The following NDST1 variants were observed in gnomAD, a reference collection of about 807,000 sequenced individuals.
NDST1 encodes N-deacetylase and N-sulfotransferase 1, also known as bifunctional heparan sulfate N-deacetylase/N-sulfotransferase 1.
A neutral mutation model predicts 92.8 loss-of-function variants in NDST1; 35 were observed. The ratio of observed to expected loss-of-function variants is 0.38; its 90% CI spans 0.29 to 0.50. The LOEUF (loss-of-function observed/expected upper bound fraction) is 0.50, where lower values mean the gene tolerates loss of function less well. NDST1 is among the 20% of genes least tolerant of loss of function. The pLI is 0.94. For missense variants in NDST1, 822 were observed against 1,182.7 expected, an observed-to-expected ratio of 0.69 and a Z score of 4.47; for synonymous variants, 493 against 500.3, an observed-to-expected ratio of 0.99 and a Z score of 0.19.
chr5:150,545,480 G>A lies in NDST1; in HGVS notation c.2139G>A (p.Trp713Ter). 6.2e-7 allele frequency: 1 copy of A among 1,614,234 alleles called. No homozygotes were observed. The highest frequency in any genetic ancestry group is 8.5e-7 in the Non-Finnish European group (1 of 1,180,046). The change falls in exon 11 of 15, where the codon TGG becomes TGA. Residue 713 changes from tryptophan to a stop codon, truncating the protein, a stop_gained. Coordinates refer to ENST00000261797, the MANE Select transcript of NDST1 (RefSeq NM_001543.5). LOFTEE classifies it high-confidence loss of function. ...LINPADRAYS[W>*]YQHQRAHDDP... Reference sequence around the variant, plus strand: ...ACCCCGCGGACCGGGCCTATTCCTGGTACCAGGTGAGTGGGGCTGGGGTGG... The same window carrying A: ...ACCCCGCGGACCGGGCCTATTCCTGATACCAGGTGAGTGGGGCTGGGGTGG...
intron 13 of NDST1, among the ~76,000 whole-genome samples, 184 bp from the exon 14 acceptor site, chr5:150,551,569 A>G (rs1172534777): frequency 6.6e-6 from 1 of 152,214 alleles, no homozygotes; most frequent in Non-Finnish European, 1.5e-5. Flanking sequence ...TAGGACAGGC[A>G]CGTTTAGTGC....
At chr5:150,508,856 A>G (rs763350209) in intron 1 of NDST1, among the ~76,000 whole-genome samples, 3 of 152,200 alleles carry the variant, frequency 2.0e-5, no homozygotes, top group Non-Finnish European at 2.9e-5. Flanking sequence ...TATAACCCCC[A>G]GAAGGTCACA....
In NDST1 at chr5:150,528,230, A is replaced by G. The variant is rs1754556578; in HGVS notation, c.940A>G (p.Ile314Val). 2 of 1,613,224 alleles carry G rather than the reference A, an allele frequency of 1.2e-6. No individual in the cohort carries two copies. The highest frequency in any genetic ancestry group is 1.7e-6 in the Non-Finnish European group (2 of 1,179,220). The change falls in exon 3 of 15, where the codon ATC becomes GTC. Residue 314 changes from isoleucine (I) to valine (V), a missense_variant. Ile to Val is a conservative substitution (Grantham distance 29, BLOSUM62 3). Coordinates refer to ENST00000261797, the MANE Select transcript of NDST1 (RefSeq NM_001543.5). Reference sequence around the variant, plus strand: ...CCTCTCCCTGCCATTGGACCGCTACATCCTGGTGGACATTGATGACATCTT... The same window carrying G: ...CCTCTCCCTGCCATTGGACCGCTACGTCCTGGTGGACATTGATGACATCTT... The part of the protein sequence containing the change: ...KRLSLPLDRY[I>V]LVDIDDIFVG...
intron 3 of NDST1, among the ~76,000 whole-genome samples, chr5:150,531,917 G>A (rs989586990): frequency 6.6e-6 from 1 of 152,218 alleles, no homozygotes; most frequent in African/African-American, 2.4e-5. Flanking sequence ...CTGGGTGCAC[G>A]GTGCGCGGGA....
At chr5:150,530,507 G>T (rs1334157201) in intron 3 of NDST1, among the ~76,000 whole-genome samples, 1 of 150,224 alleles carries the variant, frequency 6.7e-6, no homozygotes, top group Non-Finnish European at 1.5e-5. Flanking sequence ...GGCTCACTGT[G>T]TTCCTATAAG....
intron 9 of NDST1, among the ~76,000 whole-genome samples, chr5:150,542,088 G>A (rs1429638063): frequency 6.6e-6 from 1 of 152,178 alleles, no homozygotes; most frequent in African/African-American, 2.4e-5. Flanking sequence ...AACCCTGCAA[G>A]GCACAAATGG....
In NDST1 at chr5:150,528,104, C is replaced by G; in HGVS notation, c.814C>G (p.Leu272Val). The G allele has an allele frequency of 6.2e-7, 1 of 1,613,940 alleles. No individual in the cohort carries two copies. Among genetic ancestry groups the G allele is most frequent in the Non-Finnish European group, 8.5e-7 (1 of 1,179,838 alleles). Reference sequence around the variant, plus strand: ...CGCCACTGTGGTCCAGGACCTGGGCCTGCACGACGGCATCCAGCGCGTGCT... The same window carrying G: ...CGCCACTGTGGTCCAGGACCTGGGCGTGCACGACGGCATCCAGCGCGTGCT... ...LHATVVQDLGLHDGIQRVLFG... is the reference protein window; with the variant it reads ...LHATVVQDLGVHDGIQRVLFG... Residue 272 changes from leucine (L) to valine (V), a missense_variant, in exon 3 of 15, where the codon CTG (leucine) becomes GTG (valine). Leu to Val is a conservative substitution (Grantham distance 32, BLOSUM62 1). Coordinates refer to ENST00000261797, the MANE Select transcript of NDST1 (RefSeq NM_001543.5).
At chr5:150,541,688 C>T (rs746898060) in intron 9 of NDST1, 22 bp downstream of exon 9, 161 of 1,608,194 alleles carry the variant, frequency 1.0e-4, no homozygotes, top group Non-Finnish European at 1.3e-4. Flanking sequence ...TGCTCTTGAC[C>T]GAGCTTCCCC....
chr5:150,530,557 A>ATTTTTT (rs71589713), intron 3 of NDST1, among the ~76,000 whole-genome samples: 8 of 127,248 alleles, frequency 6.3e-5, no homozygotes, highest in Non-Finnish European at 9.6e-5. Context: ...CGTATTTTAA[A>ATTTTTT]TTTTTTTTTT....
At chr5:150,502,102 G>T (rs78928742) in intron 1 of NDST1, among the ~76,000 whole-genome samples, 5,579 of 152,256 alleles carry the variant, frequency 0.037, 410 homozygotes, top group Admixed American at 0.17. Flanking sequence ...TTTGTTGTTT[G>T]AGTCTGAGTG....
chr5:150,539,625 C>G (rs141204194), intron 7 of NDST1: 2 of 985,432 alleles, frequency 2.0e-6, no homozygotes, highest in African/African-American at 3.5e-5. Context: ...AGTCTTTGCT[C>G]ATGTGTGTAT....
intron 3 of NDST1, among the ~76,000 whole-genome samples, chr5:150,529,878 C>T (rs933710140): frequency 4.6e-5 from 7 of 152,218 alleles, no homozygotes; most frequent in Non-Finnish European, 8.8e-5. Context: ...TGGCATTCAT[C>T]GCCCTGCCTT....
chr5:150,502,558 G>A (rs1157337660), intron 1 of NDST1, among the ~76,000 whole-genome samples: 2 of 152,134 alleles, frequency 1.3e-5, no homozygotes, highest in Non-Finnish European at 2.9e-5. Context: ...GGTCCTGCAT[G>A]TTCCTGTTGC....
At chr5:150,531,687 CAG>C (rs1381863463) in intron 3 of NDST1, among the ~76,000 whole-genome samples, 1 of 151,974 alleles carries the variant, frequency 6.6e-6, no homozygotes, top group African/African-American at 2.4e-5. Flanking sequence ...TTAGTAGAGA[CAG>C]GGTTTCACCA....
In NDST1 at chr5:150,557,438, A is replaced by G. The variant is rs1043780448; in HGVS notation, c.*4106A>G. On this transcript the variant is annotated 3_prime_UTR_variant, in exon 15 of 15. Transcript: ENST00000261797. The surrounding 1 kb of genome is among the most constrained non-coding windows in gnomAD (Gnocchi z 4.7). ...TCAGTTGCAGCAGGGAAAAGCCTAC[A>G]TGGGGAACTGCCTCCCGCAAGCTGT... 2.6e-5 allele frequency: 4 copies of G among 152,578 alleles called. No homozygotes were observed. Among genetic ancestry groups the G allele is most frequent in the South Asian group, 2.1e-4 (1 of 4,836 alleles). 9.5% of individuals were successfully genotyped at this position (152,578 alleles called of 1,614,324 possible). A position where few individuals can be genotyped will look rare whatever the true frequency, so the allele number is the denominator to read the frequency against.
At chr5:150,531,761 G>C (rs1276516593) in intron 3 of NDST1, among the ~76,000 whole-genome samples, 1 of 150,362 alleles carries the variant, frequency 6.7e-6, no homozygotes, top group Non-Finnish European at 1.5e-5. Context: ...AGCCTCCCAG[G>C]GTGCTGGGAT....
chr5:150,553,658 C>T lies in NDST1; in HGVS notation c.*326C>T. ...CTCACTGTGTTCCGCCGACTGTCCC[C>T]TCTCGTCACCCATCACTCCCTGCTT... On this transcript the variant is annotated 3_prime_UTR_variant, in exon 15 of 15. Transcript: ENST00000261797. This position sits in a 1 kb window ranked among gnomAD's most constrained non-coding sequence, Gnocchi z 4.2. The T allele has an allele frequency of 2.4e-6, 1 of 418,904 alleles. No individual in the cohort carries two copies. Among genetic ancestry groups the T allele is most frequent in the Admixed American group, 3.5e-5 (1 of 28,388 alleles). 25.9% of individuals were successfully genotyped at this position (418,904 alleles called of 1,614,324 possible).
rs1755879097 is a variant in NDST1 at position 150,556,797 on chromosome 5, G to A, written c.*3465G>A. The A allele has an allele frequency of 6.6e-6, 1 of 152,542 alleles. No individual in the cohort carries two copies. Among genetic ancestry groups the A allele is most frequent in the South Asian group, 2.1e-4 (1 of 4,830 alleles). 9.4% of individuals were successfully genotyped at this position (152,542 alleles called of 1,614,324 possible). A position where few individuals can be genotyped will look rare whatever the true frequency, so the allele number is the denominator to read the frequency against. On this transcript the variant is annotated 3_prime_UTR_variant, in exon 15 of 15. Transcript: ENST00000261797. ...AATCTGTATTCAAATCCCCCCAATT[G>A]TCTCCCAGGTAACTTATGTGTCTGG...
intron 5 of NDST1, 25 bp from the exon 6 acceptor site, chr5:150,535,675 C>T (rs769640964): frequency 1.2e-6 from 2 of 1,613,926 alleles, no homozygotes; most frequent in Non-Finnish European, 1.7e-6. Context: ...CTATGCTCAC[C>T]CTGGCCTGGT....
Sources: allele counts gnomAD v4.1 joint callset (sites outside exome capture counted in the v4.1 genomes callset), GRCh38; gene constraint gnomAD v4.1.1; non-coding constraint Gnocchi (gnomAD v3.1); transcripts MANE v1.5; gene names NCBI Gene and HGNC (gene_info 2026-07-23, HGNC 2026-07-21).